SYNE2: variants seen among roughly 807,000 people sequenced by gnomAD.
The protein encoded by SYNE2 is nesprin-2.
Under a neutral mutation model 856.3 loss-of-function variants are expected in SYNE2, and 431 were observed. That is an observed-to-expected ratio of 0.50 (90% CI 0.47 to 0.55). The LOEUF (loss-of-function observed/expected upper bound fraction) is 0.55, where lower values mean the gene tolerates loss of function less well. Among genes scored for constraint, SYNE2 ranks in the 20% least tolerant of loss-of-function variants. The pLI is 0.00. For missense variants in SYNE2, 8,129 were observed against 8,023.2 expected, an observed-to-expected ratio of 1.01 and a Z score of -0.50; for synonymous variants, 2,923 against 2,872.3, an observed-to-expected ratio of 1.02 and a Z score of -0.56.
chr14:64,094,561 G>A (rs1420568152), intron 61 of SYNE2, among the ~76,000 whole-genome samples: 2 of 152,030 alleles, frequency 1.3e-5, no homozygotes, highest in Non-Finnish European at 2.9e-5. Context: ...AATTAATATG[G>A]TACTCAAAAG....
At chr14:63,797,651 A>C (rs1213468569) in intron 1 of SYNE2, among the ~76,000 whole-genome samples, 2 of 152,210 alleles carry the variant, frequency 1.3e-5, no homozygotes, top group Admixed American at 1.3e-4. Flanking sequence ...CATGTTGGCC[A>C]GCCTGGTCTC....
intron 45 of SYNE2, among the ~76,000 whole-genome samples, chr14:64,046,356 T>A (rs991211716): frequency 6.6e-6 from 1 of 152,216 alleles, no homozygotes; most frequent in Admixed American, 6.5e-5. Context: ...CCTTTCTTTG[T>A]TTTTGAAATC....
intron 96 of SYNE2, among the ~76,000 whole-genome samples, chr14:64,181,296 A>G (rs1187562166): frequency 6.6e-6 from 1 of 152,180 alleles, no homozygotes; most frequent in Non-Finnish European, 1.5e-5. Flanking sequence ...CCAAATTTTC[A>G]AAGTTTTTAT....
chr14:63,858,611 C>G (rs1192389656), intron 1 of SYNE2, among the ~76,000 whole-genome samples: 1 of 152,028 alleles, frequency 6.6e-6, no homozygotes, highest in Non-Finnish European at 1.5e-5. Flanking sequence ...GAACCCACTC[C>G]TGCGATGATG....
chr14:63,901,785 G>A (rs1050802541), intron 1 of SYNE2, among the ~76,000 whole-genome samples: 3 of 152,134 alleles, frequency 2.0e-5, no homozygotes, highest in Admixed American at 1.3e-4. Context: ...TTAGCCAAGC[G>A]TGGTGGCGTG....
Position 64,159,477 on chromosome 14 carries a change from C to T in SYNE2, c.16094+35C>T, listed in dbSNP as rs767740012. On this transcript the variant is annotated intron_variant, in intron 87 of 115. Coordinates refer to ENST00000555002, the MANE Select transcript of SYNE2 (RefSeq NM_182914.3). ...CAGATATAATTTGAATGATAGATATCTTTATCTTAATGACTTGTGAAGAAT... is the reference window on the plus strand; with the variant it reads ...CAGATATAATTTGAATGATAGATATTTTTATCTTAATGACTTGTGAAGAAT... The T allele has an allele frequency of 3.1e-6, 5 of 1,608,608 alleles. No homozygotes were observed. The South Asian group carries it at 4.4e-5, about 14-fold the overall frequency.
chr14:63,945,273 TGCCA>T (rs1231416728), intron 6 of SYNE2, among the ~76,000 whole-genome samples: 1 of 152,144 alleles, frequency 6.6e-6, no homozygotes, highest in Non-Finnish European at 1.5e-5. Flanking sequence ...TATAGAACTT[TGCCA>T]GCATCCCTAA....
intron 1 of SYNE2, among the ~76,000 whole-genome samples, chr14:63,810,848 T>A (rs1374776601): frequency 6.6e-6 from 1 of 152,326 alleles, no homozygotes; most frequent in East Asian, 1.9e-4. Context: ...ATCCTTTTTT[T>A]ATTTAAGACA....
At chr14:64,001,873 A>G (rs1037496915) in intron 28 of SYNE2, 61 bp from the exon 29 acceptor site, 20 of 1,563,756 alleles carry the variant, frequency 1.3e-5, no homozygotes, top group Middle Eastern at 1.7e-4. Context: ...TGTGTTAATC[A>G]GTTTCATAGG....
intron 1 of SYNE2, among the ~76,000 whole-genome samples, chr14:63,813,133 A>G (rs1469707773): frequency 1.3e-5 from 2 of 152,224 alleles, no homozygotes; most frequent in Non-Finnish European, 2.9e-5. Context: ...TAAAATTTTT[A>G]GAGTTTCAAC....
intron 1 of SYNE2, among the ~76,000 whole-genome samples, chr14:63,816,403 T>C (rs1888996383): frequency 6.6e-6 from 1 of 152,186 alleles, no homozygotes; most frequent in Non-Finnish European, 1.5e-5. Context: ...GCTTTTGGAC[T>C]GTGAAATTTC....
chr14:64,151,518 AAAAAAAAAAG>A, intron 84 of SYNE2, among the ~76,000 whole-genome samples: 1 of 137,790 alleles, frequency 7.3e-6, no homozygotes, highest in Non-Finnish European at 1.6e-5. Flanking sequence ...TTTCAAAAAA[AAAAAAAAAAG>A]GCTGGGATCC....
chr14:63,839,604 AG>A (rs1337907898), intron 1 of SYNE2, among the ~76,000 whole-genome samples: 1 of 152,106 alleles, frequency 6.6e-6, no homozygotes, highest in African/African-American at 2.4e-5. Context: ...CTGAGGTGGG[AG>A]GACCCTTTGA....
At chr14:64,224,582 G>A (rs1333873553) in intron 114 of SYNE2, 35 bp downstream of exon 114, 1 of 1,611,614 alleles carries the variant, frequency 6.2e-7, no homozygotes, top group Non-Finnish European at 8.5e-7. Context: ...GAACCTCACT[G>A]GTTATTTTTT....
At chr14:63,875,018 C>T (rs940107544) in intron 1 of SYNE2, among the ~76,000 whole-genome samples, 3 of 151,680 alleles carry the variant, frequency 2.0e-5, no homozygotes, top group Non-Finnish European at 4.4e-5. Flanking sequence ...TTCATGATCA[C>T]ATGGATAAAA....
chr14:63,859,880 T>C (rs1893022422), intron 1 of SYNE2, among the ~76,000 whole-genome samples: 1 of 152,074 alleles, frequency 6.6e-6, no homozygotes, highest in Non-Finnish European at 1.5e-5. Context: ...AGGAGTGGAC[T>C]CCACTCCTTT....
Position 63,990,589 on chromosome 14 carries a change from T to G in SYNE2, c.2472+20T>G. On this transcript the variant is annotated intron_variant, in intron 20 of 115. Coordinates refer to ENST00000555002, the MANE Select transcript of SYNE2 (RefSeq NM_182914.3). ...GTCCAGGTCTCTCTTTAATATTCCCTATTTAGTAATTCTGTTCTCTAAAAC... is the reference window on the plus strand; with the variant it reads ...GTCCAGGTCTCTCTTTAATATTCCCGATTTAGTAATTCTGTTCTCTAAAAC... The G allele has an allele frequency of 1.9e-6, 3 of 1,611,306 alleles. No individual in the cohort carries two copies. The highest frequency in any genetic ancestry group is 2.5e-6 in the Non-Finnish European group (3 of 1,177,610).
intron 80 of SYNE2, 40 bp downstream of exon 80, chr14:64,140,113 GAAAT>G (rs777506840): frequency 6.3e-7 from 1 of 1,585,774 alleles, no homozygotes; most frequent in Non-Finnish European, 8.6e-7. Flanking sequence ...TTACTGGTCA[GAAAT>G]AAATATCAAG....
intron 45 of SYNE2, among the ~76,000 whole-genome samples, chr14:64,043,733 C>T (rs910271647): frequency 1.3e-5 from 2 of 152,210 alleles, no homozygotes; most frequent in Admixed American, 6.5e-5. Context: ...GCCTAGATTT[C>T]TGAATATGTG....
Sources: gnomAD v4.1 joint callset for allele counts (sites outside exome capture counted in the v4.1 genomes callset) on GRCh38, gnomAD v4.1.1 for gene constraint, MANE v1.5 for transcripts, NCBI Gene and HGNC (gene_info 2026-07-23, HGNC 2026-07-21) for gene names.